Variants in RPS6KC1 observed in about 807,000 individuals in gnomAD.
The protein encoded by RPS6KC1 is inactive ribosomal protein S6 kinase delta-1.
A neutral mutation model predicts 103.8 loss-of-function variants in RPS6KC1; 54 were observed. The ratio of observed to expected loss-of-function variants is 0.52; its 90% CI spans 0.42 to 0.65. RPS6KC1 has a LOEUF of 0.65. Among genes scored for constraint, RPS6KC1 ranks in the 30% least tolerant of loss-of-function variants. RPS6KC1 has a pLI of 0.00. For missense variants in RPS6KC1, 1,151 were observed against 1,253.8 expected, an observed-to-expected ratio of 0.92 and a Z score of 1.24; for synonymous variants, 439 against 438.7, an observed-to-expected ratio of 1.00 and a Z score of -0.01.
the RPS6KC1 span, among the ~76,000 whole-genome samples, chr1:213,764,753 G>T: frequency 1.1e-4 from 17 of 152,122 alleles, no homozygotes; most frequent in Non-Finnish European, 1.3e-4. Context: ...TCATATCCTG[G>T]AGCAAGCAAG....
At chr1:213,760,517 A>G in the RPS6KC1 span, among the ~76,000 whole-genome samples, 2 of 152,200 alleles carry the variant, frequency 1.3e-5, no homozygotes, top group African/African-American at 4.8e-5. Flanking sequence ...CAGCTCAGGC[A>G]AGCTTTGCTT....
chr1:213,493,205 A>G, the RPS6KC1 span, among the ~76,000 whole-genome samples: 3 of 152,196 alleles, frequency 2.0e-5, no homozygotes, highest in Non-Finnish European at 2.9e-5. Context: ...GCACTTAGTT[A>G]TAGGAATATT....
intron 8 of RPS6KC1, among the ~76,000 whole-genome samples, chr1:213,224,031 A>G (rs1242380319): frequency 6.6e-6 from 1 of 152,128 alleles, no homozygotes; most frequent in Non-Finnish European, 1.5e-5. Context: ...GAGACACTGA[A>G]TCCCCACTGA....
the RPS6KC1 span, among the ~76,000 whole-genome samples, chr1:213,471,306 A>T: frequency 6.6e-6 from 1 of 152,056 alleles, no homozygotes; most frequent in African/African-American, 2.4e-5. Flanking sequence ...CTGCCAAGGA[A>T]CTCTGGGGTT....
At chr1:213,641,700 CA>C in the RPS6KC1 span, among the ~76,000 whole-genome samples, 3,318 of 152,086 alleles carry the variant, frequency 0.022, 127 homozygotes, top group African/African-American at 0.076. Context: ...CTACTCAGTA[CA>C]ACCCAGTTCT....
the RPS6KC1 span, among the ~76,000 whole-genome samples, chr1:213,333,923 C>A: frequency 6.6e-6 from 1 of 152,172 alleles, no homozygotes; most frequent in Non-Finnish European, 1.5e-5. Flanking sequence ...CTCAGGTGAT[C>A]CACTCGCCTT....
downstream of RPS6KC1, among the ~76,000 whole-genome samples, chr1:213,277,037 C>G (rs888081631): frequency 2.6e-5 from 4 of 152,128 alleles, no homozygotes; most frequent in African/African-American, 9.7e-5. Flanking sequence ...TTAACCTCTA[C>G]CAGTCTAGGT....
At chr1:213,638,775 A>G in the RPS6KC1 span, among the ~76,000 whole-genome samples, 1 of 152,056 alleles carries the variant, frequency 6.6e-6, no homozygotes, top group Non-Finnish European at 1.5e-5. Flanking sequence ...GTAAGTATTG[A>G]TATCATGTAG....
the RPS6KC1 span, among the ~76,000 whole-genome samples, chr1:213,758,088 G>A: frequency 6.6e-6 from 1 of 152,172 alleles, no homozygotes; most frequent in African/African-American, 2.4e-5. Context: ...GGAGATGAAT[G>A]TTGTTTCATG....
the RPS6KC1 span, among the ~76,000 whole-genome samples, chr1:213,665,308 T>C: frequency 2.0e-5 from 3 of 152,016 alleles, no homozygotes; most frequent in African/African-American, 4.8e-5. Context: ...ATCCTTAATG[T>C]AGAAAATATT....
intron 12 of RPS6KC1, among the ~76,000 whole-genome samples, chr1:213,246,044 A>G (rs1023890868): frequency 6.6e-6 from 1 of 152,160 alleles, no homozygotes; most frequent in African/African-American, 2.4e-5. Flanking sequence ...GACAAAAACC[A>G]TGGAGCTTTC....
At chr1:213,529,492 A>G in the RPS6KC1 span, among the ~76,000 whole-genome samples, 1 of 152,220 alleles carries the variant, frequency 6.6e-6, no homozygotes, top group Non-Finnish European at 1.5e-5. Flanking sequence ...TGATCCTTGT[A>G]CAAGTCTTCA....
At chr1:213,366,095 A>G in the RPS6KC1 span, among the ~76,000 whole-genome samples, 1 of 152,236 alleles carries the variant, frequency 6.6e-6, no homozygotes, top group Non-Finnish European at 1.5e-5. Context: ...CTACTGGGCT[A>G]TCTGTGAGGG....
intron 8 of RPS6KC1, among the ~76,000 whole-genome samples, chr1:213,222,579 C>G (rs2093862743): frequency 6.6e-6 from 1 of 152,036 alleles, no homozygotes; most frequent in Non-Finnish European, 1.5e-5. Context: ...ACATTGCTGG[C>G]CTTCTGATGC....
intron 6 of RPS6KC1, among the ~76,000 whole-genome samples, chr1:213,157,309 C>T (rs1272775812): frequency 6.6e-6 from 1 of 151,934 alleles, no homozygotes; most frequent in Non-Finnish European, 1.5e-5. Flanking sequence ...CACCTCCTGC[C>T]TCATCTCCTG....
rs1043243762 is a variant in RPS6KC1 at position 213,262,819 on chromosome 1, A to G, written c.3090+3A>G. 1.9e-6 allele frequency: 3 copies of G among 1,560,688 alleles called. No homozygotes were observed. Among genetic ancestry groups the G allele is most frequent in the Non-Finnish European group, 2.7e-6 (3 of 1,131,028 alleles). On this transcript the variant is annotated splice_donor_region_variant and intron_variant, in intron 14 of 14. Transcript: ENST00000366960. Reference sequence around the variant, plus strand: ...AGGCTCGCTCACTCATTCAACAGGTAATTTAACTGACCTATTGGCCAGGTT... The same window carrying G: ...AGGCTCGCTCACTCATTCAACAGGTGATTTAACTGACCTATTGGCCAGGTT...
At chr1:213,460,888 CTT>C in the RPS6KC1 span, among the ~76,000 whole-genome samples, 1 of 152,140 alleles carries the variant, frequency 6.6e-6, no homozygotes, top group Non-Finnish European at 1.5e-5. Flanking sequence ...GTTGAAAACT[CTT>C]TTCTTTAAGA....
chr1:213,597,051 G>A, the RPS6KC1 span, among the ~76,000 whole-genome samples: 28 of 152,144 alleles, frequency 1.8e-4, no homozygotes, highest in African/African-American at 3.9e-4. Flanking sequence ...TAGACTGTGC[G>A]CCAAGGAGGA....
At chr1:213,355,397 G>A in the RPS6KC1 span, among the ~76,000 whole-genome samples, 1 of 152,106 alleles carries the variant, frequency 6.6e-6, no homozygotes, top group Non-Finnish European at 1.5e-5. Flanking sequence ...GGGAGCTGTA[G>A]GGACTGCTTG....
Sources: allele counts gnomAD v4.1 joint callset (sites outside exome capture counted in the v4.1 genomes callset), GRCh38; gene constraint gnomAD v4.1.1; transcripts MANE v1.5; gene names NCBI Gene and HGNC (gene_info 2026-07-23, HGNC 2026-07-21).